The following CD109 variants were observed in gnomAD, a reference collection of about 807,000 sequenced individuals.
CD109 encodes CD109 antigen.
Under a neutral mutation model 165.8 loss-of-function variants are expected in CD109, and 149 were observed. The ratio of observed to expected loss-of-function variants is 0.90; its 90% CI spans 0.79 to 1.03. The LOEUF (loss-of-function observed/expected upper bound fraction) is 1.03. CD109 is among the 50% of genes least tolerant of loss of function. The pLI is 0.00. For missense variants in CD109, 1,712 were observed against 1,677.8 expected, an observed-to-expected ratio of 1.02 and a Z score of -0.36; for synonymous variants, 585 against 592.1, an observed-to-expected ratio of 0.99 and a Z score of 0.18.
chr6:73,738,054 C>G (rs1011946836), intron 5 of CD109, among the ~76,000 whole-genome samples: 3 of 152,034 alleles, frequency 2.0e-5, no homozygotes, highest in Non-Finnish European at 1.5e-5. Flanking sequence ...TTTCAAAGGT[C>G]ATTGTCATGG....
intron 2 of CD109, among the ~76,000 whole-genome samples, chr6:73,717,219 CT>C (rs34220499): frequency 1.4e-3 from 209 of 145,660 alleles, no homozygotes; most frequent in East Asian, 4.8e-3. Flanking sequence ...GTGATTCCTC[CT>C]TTTTTTTTTT....
chr6:73,792,503 C>A, intron 22 of CD109, 123 bp from the exon 23 acceptor site: 1 of 826,100 alleles, frequency 1.2e-6, no homozygotes. Context: ...CTGTTCCAAG[C>A]AGTGGAATAA....
chr6:73,703,017 G>A lies in CD109; in HGVS notation c.247+5445G>A, dbSNP rs963140326. Among the ~76,000 whole-genome samples, 4 of 152,168 alleles carry A rather than the reference G, an allele frequency of 2.6e-5. No homozygotes were observed. In the East Asian group the frequency reaches 7.7e-4, roughly 29 times the overall value. On this transcript the variant is annotated intron_variant, in intron 2 of 32. Coordinates refer to ENST00000287097, the MANE Select transcript of CD109 (RefSeq NM_133493.5). ...TTCCTCATAGTGCCAAGGACTTTAT[G>A]CACTATATTTAATTTTAACAACTTG... is the stretch of plus-strand genomic sequence containing the variant.
upstream of CD109, among the ~76,000 whole-genome samples, chr6:73,691,122 A>C (rs1719053028): frequency 6.6e-6 from 1 of 152,150 alleles, no homozygotes; most frequent in Admixed American, 6.5e-5. Flanking sequence ...CCCACAGGCA[A>C]TTAACACTTT....
intron 20 of CD109, among the ~76,000 whole-genome samples, chr6:73,786,236 A>G (rs981396375): frequency 2.0e-5 from 3 of 152,204 alleles, no homozygotes; most frequent in Admixed American, 6.5e-5. Context: ...CCTGGGAGGC[A>G]GGAATTAGGT....
the CD109 span, among the ~76,000 whole-genome samples, chr6:73,690,780 T>G: frequency 6.6e-6 from 1 of 152,172 alleles, no homozygotes; most frequent in South Asian, 2.1e-4. Context: ...ATGGGAAAAG[T>G]AGGACACAAA....
chr6:73,731,128 C>T (rs1562035370), intron 4 of CD109, among the ~76,000 whole-genome samples: 2 of 151,872 alleles, frequency 1.3e-5, no homozygotes, highest in Admixed American at 6.6e-5. Context: ...CTCACTGCAA[C>T]CTCCGCCTCC....
At chr6:73,799,404 T>G (rs1340714785) in intron 23 of CD109, among the ~76,000 whole-genome samples, 1 of 152,218 alleles carries the variant, frequency 6.6e-6, no homozygotes, top group Non-Finnish European at 1.5e-5. Context: ...CAGGCGGTTC[T>G]TGCATTACTA....
chr6:73,798,154 A>G (rs9293942), intron 23 of CD109, among the ~76,000 whole-genome samples: 80,393 of 148,770 alleles, frequency 0.54, 22,100 homozygotes, highest in African/African-American at 0.65. Flanking sequence ...TTGCTCTGTC[A>G]TCCAGTCTGG....
In CD109 at chr6:73,808,192, G is replaced by A. The variant is rs746111856; in HGVS notation, c.3299G>A (p.Gly1100Glu). The A allele has an allele frequency of 3.7e-6, 6 of 1,613,560 alleles. No homozygotes were observed. The highest frequency in any genetic ancestry group is 2.2e-5 in the East Asian group (1 of 44,862). Residue 1100 changes from glycine (G) to glutamate (E), a missense_variant, in exon 26 of 33, where the codon GGG becomes GAG. By Grantham distance (98) the Gly-to-Glu change is moderately conservative. Coordinates refer to ENST00000287097, the MANE Select transcript of CD109 (RefSeq NM_133493.5). Reference protein sequence around the residue: ...ALITYALSSVGSPKAKEALNM... With the variant: ...ALITYALSSVESPKAKEALNM... ...ATAACTTATGCATTGTCATCAGTGG[G>A]GAGTCCTAAAGCGAAGGAAGCTTTG...
chr6:73,717,778 C>G (rs1771797621), intron 2 of CD109, among the ~76,000 whole-genome samples: 1 of 151,606 alleles, frequency 6.6e-6, no homozygotes, highest in Non-Finnish European at 1.5e-5. Context: ...TGCAACCACG[C>G]CCGGCTAATT....
chr6:73,786,930 T>C (rs1774716784), intron 20 of CD109, among the ~76,000 whole-genome samples: 1 of 152,222 alleles, frequency 6.6e-6, no homozygotes, highest in Non-Finnish European at 1.5e-5. Context: ...TGAAATAGCC[T>C]TTCTGTGCAC....
chr6:73,747,254 GA>G (rs983214268), intron 5 of CD109, among the ~76,000 whole-genome samples: 7 of 151,656 alleles, frequency 4.6e-5, no homozygotes, highest in African/African-American at 1.2e-4. Context: ...CTTTCTCATT[GA>G]AAAAACAAAA....
intron 22 of CD109, among the ~76,000 whole-genome samples, chr6:73,789,190 G>A (rs1400242589): frequency 1.3e-5 from 2 of 152,076 alleles, no homozygotes; most frequent in Non-Finnish European, 2.9e-5. Flanking sequence ...TCCTCCCTAG[G>A]GCAGTTCTCT....
chr6:73,713,917 C>T (rs772229272), intron 2 of CD109, among the ~76,000 whole-genome samples: 1 of 152,006 alleles, frequency 6.6e-6, no homozygotes, highest in African/African-American at 2.4e-5. Flanking sequence ...AATTACCACC[C>T]CTCCCCCGTC....
chr6:73,820,275 G>A (rs771115036), intron 31 of CD109, among the ~76,000 whole-genome samples, 186 bp from the exon 32 acceptor site: 2 of 152,134 alleles, frequency 1.3e-5, no homozygotes, highest in Non-Finnish European at 2.9e-5. Flanking sequence ...ATACCTTTTT[G>A]TAAGCATTGT....
intron 15 of CD109, 60 bp downstream of exon 15, chr6:73,771,641 A>C: frequency 8.3e-7 from 1 of 1,204,178 alleles, no homozygotes. Context: ...AGGAAACTTT[A>C]TTGTACTACT....
rs766110938 is a variant in CD109 at position 73,723,293 on chromosome 6, TA to T, written c.276+20del. ...ACTCTTCCATCAGTAAGTATCCATT[TA>T]AAAAATTTGGTTTCAGAAATATATT... is the stretch of plus-strand genomic sequence containing the variant. On this transcript the variant is annotated intron_variant, in intron 3 of 32. Coordinates refer to ENST00000287097, the MANE Select transcript of CD109 (RefSeq NM_133493.5). The T allele has an allele frequency of 5.0e-6, 8 of 1,605,632 alleles. No homozygotes were observed. In the South Asian group the frequency reaches 7.8e-5, roughly 16 times the overall value.
intron 29 of CD109, among the ~76,000 whole-genome samples, chr6:73,812,519 G>A (rs1775789748): frequency 6.6e-6 from 1 of 152,076 alleles, no homozygotes; most frequent in Non-Finnish European, 1.5e-5. Context: ...GCTTTTTGAA[G>A]TGAGGGTTAA....
Sources: allele counts gnomAD v4.1 joint callset (sites outside exome capture counted in the v4.1 genomes callset), GRCh38; gene constraint gnomAD v4.1.1; transcripts MANE v1.5; gene names NCBI Gene and HGNC (gene_info 2026-07-23, HGNC 2026-07-21).